THRAP3: variants seen among roughly 807,000 people sequenced by gnomAD.
THRAP3 encodes the protein thyroid hormone receptor associated protein 3, also known as thyroid hormone receptor-associated protein 3.
THRAP3 carries 16 observed loss-of-function variants against 101.0 expected under a neutral mutation model. That is an observed-to-expected ratio of 0.16 (90% CI 0.11 to 0.24). THRAP3 has a LOEUF of 0.24. Ranked by LOEUF, THRAP3 falls within the 10% of genes least tolerant of loss-of-function variation. THRAP3 has a pLI of 1.00. For missense variants in THRAP3, 989 were observed against 1,202.7 expected, an observed-to-expected ratio of 0.82 and a Z score of 2.63; for synonymous variants, 407 against 422.6, an observed-to-expected ratio of 0.96 and a Z score of 0.45.
chr1:36,227,996 C>T (rs1644981435), intron 1 of THRAP3, among the ~76,000 whole-genome samples: 2 of 150,686 alleles, frequency 1.3e-5, no homozygotes, highest in South Asian at 2.1e-4. Context: ...CTGCCTCAGC[C>T]TCCCAAGTAG....
intron 11 of THRAP3, among the ~76,000 whole-genome samples, chr1:36,303,398 C>T (rs906066502): frequency 6.6e-6 from 1 of 152,074 alleles, no homozygotes; most frequent in Non-Finnish European, 1.5e-5. Context: ...AGTTCCTAAG[C>T]TTTAAGCACG....
At chr1:36,248,879 C>T (rs1645263482) in intron 1 of THRAP3, among the ~76,000 whole-genome samples, 1 of 151,816 alleles carries the variant, frequency 6.6e-6, no homozygotes, top group Non-Finnish European at 1.5e-5. Flanking sequence ...ATATAAGGCA[C>T]AGTCCCTATT....
chr1:36,276,523 C>CAAA (rs35609256), intron 2 of THRAP3, among the ~76,000 whole-genome samples: 3 of 112,774 alleles, frequency 2.7e-5, no homozygotes, highest in African/African-American at 1.1e-4. Flanking sequence ...GACTCTGTCT[C>CAAA]AAAAAAAAAA....
At chr1:36,287,309 C>G in intron 4 of THRAP3, 39 bp downstream of exon 4, 1 of 1,539,992 alleles carries the variant, frequency 6.5e-7, no homozygotes, top group African/African-American at 1.4e-5. Context: ...GTGTTTTTAT[C>G]TCACTAGCTG....
intron 2 of THRAP3, among the ~76,000 whole-genome samples, chr1:36,262,333 A>G (rs975665985): frequency 2.0e-5 from 3 of 152,254 alleles, no homozygotes; most frequent in Admixed American, 1.3e-4. Context: ...TTCTGAAGGA[A>G]CAGATAAACT....
chr1:36,303,414 A>G (rs1646054994), intron 11 of THRAP3, among the ~76,000 whole-genome samples: 1 of 152,170 alleles, frequency 6.6e-6, no homozygotes, highest in Non-Finnish European at 1.5e-5. Context: ...GCACGTTTGC[A>G]GAGTGGGAGG....
chr1:36,289,843 C>A, intron 5 of THRAP3, 79 bp downstream of exon 5: 6 of 1,495,244 alleles, frequency 4.0e-6, no homozygotes, highest in Non-Finnish European at 2.7e-6. Flanking sequence ...TGGGGACATT[C>A]TGCTGTATTC....
Position 36,301,073 on chromosome 1 carries a change from C to T in THRAP3, c.2491C>T (p.Arg831Ter), listed in dbSNP as rs1454314455. Residue 831 changes from arginine to a stop codon, truncating the protein, a stop_gained, in exon 10 of 12, where the codon CGA becomes TGA. Transcript: ENST00000354618. LOFTEE classifies it high-confidence loss of function. ...AAGTGAAAGAGGAGGTGGCAGAGCT[C>T]GAGGAACCTTTGTAAGACCTTCCCC... is the stretch of plus-strand genomic sequence containing the variant. ...GPSERGGGRARGTFQFRARGR... is the reference protein window; with the variant it reads ...GPSERGGGRA The T allele has an allele frequency of 1.9e-6, 3 of 1,613,934 alleles. No homozygotes were observed. The highest frequency in any genetic ancestry group is 1.7e-6 in the Non-Finnish European group (2 of 1,179,972).
chr1:36,234,759 T>C (rs1034881265), intron 1 of THRAP3, among the ~76,000 whole-genome samples: 10 of 151,970 alleles, frequency 6.6e-5, no homozygotes. Flanking sequence ...TCTTATTCAT[T>C]GTGTAGAACC....
intron 4 of THRAP3, chr1:36,288,263 C>T: frequency 1.4e-6 from 1 of 728,558 alleles, no homozygotes; most frequent in Non-Finnish European, 1.7e-6. Context: ...ATCACCTGAG[C>T]AGTGTACACT....
At chr1:36,274,487 G>T (rs1645630322) in intron 2 of THRAP3, among the ~76,000 whole-genome samples, 1 of 152,078 alleles carries the variant, frequency 6.6e-6, no homozygotes, top group African/African-American at 2.4e-5. Context: ...AAAGTTGGAG[G>T]ACTCACTTTT....
chr1:36,286,441 C>A lies in THRAP3; in HGVS notation c.211C>A (p.Arg71=). Residue 71 remains arginine, a synonymous_variant, in exon 4 of 12, where the codon CGG becomes AGG. Transcript: ENST00000354618. This position sits in a 1 kb window ranked among gnomAD's most constrained non-coding sequence, Gnocchi z 5.5. The stretch of plus-strand genomic sequence containing the variant: ...AAACCACCCAAGAGTATATCAGAAT[C>A]GGGATTTCCGAGGTCACAACAGAGG... ...ERNHPRVYQN[R]DFRGHNRGYR... 1 of 1,614,118 alleles carries A rather than the reference C, an allele frequency of 6.2e-7. No homozygotes were observed. Among genetic ancestry groups the A allele is most frequent in the South Asian group, 1.1e-5 (1 of 91,076 alleles).
chr1:36,238,902 G>T (rs1250704773), intron 1 of THRAP3, among the ~76,000 whole-genome samples: 1 of 151,506 alleles, frequency 6.6e-6, no homozygotes, highest in African/African-American at 2.4e-5. Context: ...CACCATGCCC[G>T]ACTGTTCTTT....
At chr1:36,302,683 G>T (rs116458533) in intron 11 of THRAP3, among the ~76,000 whole-genome samples, 91 of 152,024 alleles carry the variant, frequency 6.0e-4, no homozygotes, top group African/African-American at 2.0e-3. Context: ...TAGCTTTTGT[G>T]GGGGGGTGGT....
intron 1 of THRAP3, among the ~76,000 whole-genome samples, chr1:36,255,962 G>A (rs1455940893): frequency 1.3e-5 from 2 of 151,996 alleles, no homozygotes; most frequent in Non-Finnish European, 2.9e-5. Context: ...ACATGGGAGC[G>A]TTCTGAGTGA....
chr1:36,239,419 A>G (rs1570242068), intron 1 of THRAP3, among the ~76,000 whole-genome samples: 1 of 152,176 alleles, frequency 6.6e-6, no homozygotes, highest in South Asian at 2.1e-4. Context: ...GGTTTGCGCC[A>G]CCATGGCCAG....
At chr1:36,228,663 GA>G (rs2124333715) in intron 1 of THRAP3, among the ~76,000 whole-genome samples, 1 of 152,278 alleles carries the variant, frequency 6.6e-6, no homozygotes, top group African/African-American at 2.4e-5. Flanking sequence ...CCTGCAGCAG[GA>G]CATTACATCC....
In THRAP3 at chr1:36,233,532, A is replaced by G. The variant is rs944113211; in HGVS notation, c.-135+9027A>G. Among the ~76,000 whole-genome samples, 5 of 151,270 alleles carry G rather than the reference A, an allele frequency of 3.3e-5. No individual in the cohort carries two copies. In the East Asian group the frequency reaches 7.8e-4, roughly 24 times the overall value. Reference sequence around the variant, plus strand: ...CCATCTCAAAAAAAAAAAAAAGTTGATTTAAGGCTGGGCACAGTGGCTCAT... The same window carrying G: ...CCATCTCAAAAAAAAAAAAAAGTTGGTTTAAGGCTGGGCACAGTGGCTCAT... On this transcript the variant is annotated intron_variant, in intron 1 of 11. Coordinates refer to ENST00000354618, the MANE Select transcript of THRAP3 (RefSeq NM_005119.4).
chr1:36,214,038 GAAAGAAAGAAAGAAAGA>G, the THRAP3 span, among the ~76,000 whole-genome samples: 2,574 of 145,802 alleles, frequency 0.018, 90 homozygotes, highest in African/African-American at 0.053. Context: ...AAGAAAGAAA[GAAAGAAAGAAAGAAAGA>G]AAGAAAGAAA....
Sources: gnomAD v4.1 joint callset for allele counts (sites outside exome capture counted in the v4.1 genomes callset) on GRCh38, gnomAD v4.1.1 for gene constraint, Gnocchi (gnomAD v3.1) non-coding constraint, MANE v1.5 for transcripts, NCBI Gene and HGNC (gene_info 2026-07-23, HGNC 2026-07-21) for gene names.